The following SYN2 variants were observed in gnomAD, a reference collection of about 807,000 sequenced individuals.
SYN2 encodes the protein synapsin-2.
SYN2 carries 19 observed loss-of-function variants against 50.9 expected under a neutral mutation model. The observed-to-expected ratio is 0.37, with a 90% CI of 0.26 to 0.55. The LOEUF is 0.55. Among genes scored for constraint, SYN2 ranks in the 20% least tolerant of loss-of-function variants. SYN2 has a pLI of 0.81. For missense variants in SYN2, 587 were observed against 576.4 expected, an observed-to-expected ratio of 1.02 and a Z score of -0.19; for synonymous variants, 255 against 224.9, an observed-to-expected ratio of 1.13 and a Z score of -1.20.
chr3:12,152,016 C>T (rs1210808814), intron 5 of SYN2, among the ~76,000 whole-genome samples: 5 of 152,170 alleles, frequency 3.3e-5, no homozygotes, highest in African/African-American at 9.7e-5. Context: ...CCTGTCCCCA[C>T]ACCCTCTGCC....
chr3:12,138,386 G>A (rs1696945744), intron 1 of SYN2, among the ~76,000 whole-genome samples: 1 of 152,148 alleles, frequency 6.6e-6, no homozygotes. Context: ...AGCCAACTTG[G>A]TCAATGGGCA....
intron 1 of SYN2, among the ~76,000 whole-genome samples, chr3:12,123,656 G>A (rs1414493296): frequency 1.3e-5 from 2 of 152,062 alleles, no homozygotes; most frequent in Admixed American, 6.6e-5. Context: ...GACAATTATA[G>A]ACAAGTTTAG....
At chr3:12,149,478 C>T (rs1451350484) in intron 4 of SYN2, among the ~76,000 whole-genome samples, 1 of 152,226 alleles carries the variant, frequency 6.6e-6, no homozygotes, top group Non-Finnish European at 1.5e-5. Context: ...GTGAGGACAG[C>T]AGGGTACAAT....
intron 1 of SYN2, among the ~76,000 whole-genome samples, chr3:12,076,140 A>C (rs1559410137): frequency 6.6e-6 from 1 of 152,124 alleles, no homozygotes; most frequent in Non-Finnish European, 1.5e-5. Context: ...TGCAAAGTTC[A>C]TGCTTTTTCT....
At chr3:12,050,338 T>G (rs1694827599) in intron 1 of SYN2, among the ~76,000 whole-genome samples, 2 of 119,704 alleles carry the variant, frequency 1.7e-5, no homozygotes, top group African/African-American at 7.5e-5. Context: ...CAGTTTGGAA[T>G]GATTTTTTTT....
intron 1 of SYN2, among the ~76,000 whole-genome samples, chr3:12,121,278 G>GTACTAGA (rs1696552062): frequency 1.3e-5 from 2 of 152,120 alleles, no homozygotes; most frequent in Non-Finnish European, 2.9e-5. Context: ...GCCGAGTCTC[G>GTACTAGA]TACTAGACAG....
At chr3:12,081,360 T>C (rs2125174364) in intron 1 of SYN2, among the ~76,000 whole-genome samples, 1 of 152,348 alleles carries the variant, frequency 6.6e-6, no homozygotes, top group Admixed American at 6.5e-5. Context: ...ATATTTTGTA[T>C]TTCCAAAATA....
intron 6 of SYN2, 22 bp downstream of exon 6, chr3:12,161,630 T>C: frequency 6.2e-7 from 1 of 1,613,896 alleles, no homozygotes; most frequent in South Asian, 1.1e-5. Flanking sequence ...AGGCCTGCTG[T>C]GCTTCAGGGT....
intron 1 of SYN2, among the ~76,000 whole-genome samples, chr3:12,044,140 T>C (rs1356628823): frequency 6.6e-6 from 1 of 150,732 alleles, no homozygotes; most frequent in African/African-American, 2.5e-5. Context: ...GGTTCTAGTG[T>C]CAACCTTTAG....
At chr3:12,132,386 A>T (rs1696815461) in intron 1 of SYN2, among the ~76,000 whole-genome samples, 1 of 152,250 alleles carries the variant, frequency 6.6e-6, no homozygotes, top group South Asian at 2.1e-4. Context: ...TAAGCAAGTC[A>T]GTTAATTCAT....
intron 1 of SYN2, among the ~76,000 whole-genome samples, chr3:12,127,101 G>T (rs555474747): frequency 6.6e-6 from 1 of 152,154 alleles, no homozygotes; most frequent in African/African-American, 2.4e-5. Context: ...CATAATGAAC[G>T]TCTTTTCAAA....
intron 1 of SYN2, among the ~76,000 whole-genome samples, chr3:12,118,744 CA>C (rs1696487755): frequency 1.3e-5 from 2 of 151,868 alleles, no homozygotes; most frequent in African/African-American, 4.8e-5. Context: ...TTGGGCTTGG[CA>C]AAAGTTTAAC....
At chr3:12,182,244 G>C (rs1698237509) in intron 10 of SYN2, among the ~76,000 whole-genome samples, 1 of 152,130 alleles carries the variant, frequency 6.6e-6, no homozygotes, top group Admixed American at 6.5e-5. Context: ...TAGGGCTGAG[G>C]GGCACATCAA....
chr3:12,092,553 G>C (rs1695852790), intron 1 of SYN2, among the ~76,000 whole-genome samples: 1 of 152,184 alleles, frequency 6.6e-6, no homozygotes, highest in Non-Finnish European at 1.5e-5. Context: ...ATTATTCCAA[G>C]CAGATCTTTC....
chr3:12,185,553 C>T, intron 11 of SYN2: 1 of 985,884 alleles, frequency 1.0e-6, no homozygotes, highest in Non-Finnish European at 1.2e-6. Flanking sequence ...ATCTGTGTCA[C>T]AGTATAGGAT....
chr3:12,124,638 T>C (rs1696626911), intron 1 of SYN2, among the ~76,000 whole-genome samples: 1 of 152,168 alleles, frequency 6.6e-6, no homozygotes, highest in African/African-American at 2.4e-5. Context: ...TATATTACCA[T>C]GAATACATGT....
In SYN2 at chr3:12,191,224, C is replaced by A; in HGVS notation, c.*599C>A. ...TGATATTCGGGAGAACAAGGATCTG[C>A]AGTTTCCCCTTTTCTCCCCTCTGAA... is the stretch of plus-strand genomic sequence containing the variant. On this transcript the variant is annotated 3_prime_UTR_variant, in exon 13 of 13. Coordinates refer to ENST00000621198, the MANE Select transcript of SYN2 (RefSeq NM_133625.6). 1 of 971,900 alleles carries A rather than the reference C, an allele frequency of 1.0e-6. No homozygotes were observed. Among genetic ancestry groups the A allele is most frequent in the Non-Finnish European group, 1.2e-6 (1 of 817,588 alleles). 60.2% of individuals were successfully genotyped at this position (971,900 alleles called of 1,614,324 possible). A position where few individuals can be genotyped will look rare whatever the true frequency, so the allele number is the denominator to read the frequency against.
chr3:12,157,492 A>T (rs1697492930), intron 5 of SYN2: 2 of 1,613,718 alleles, frequency 1.2e-6, no homozygotes, highest in Admixed American at 3.3e-5. Flanking sequence ...ACTGCATAGG[A>T]AGAGAAAAGA....
chr3:12,071,285 C>T, intron 1 of SYN2: 1 of 560,686 alleles, frequency 1.8e-6, no homozygotes, highest in East Asian at 4.5e-5. Context: ...GCCTCACTGT[C>T]CATCTTCCAG....
Sources: allele counts gnomAD v4.1 joint callset (sites outside exome capture counted in the v4.1 genomes callset), GRCh38; gene constraint gnomAD v4.1.1; transcripts MANE v1.5; gene names NCBI Gene and HGNC (gene_info 2026-07-23, HGNC 2026-07-21).